The following PDE4D variants were observed in gnomAD, a reference collection of about 807,000 sequenced individuals.
PDE4D encodes the protein 3',5'-cyclic-AMP phosphodiesterase 4D.
PDE4D carries 24 observed loss-of-function variants against 87.4 expected under a neutral mutation model. That is an observed-to-expected ratio of 0.27 (90% CI 0.20 to 0.39). PDE4D has a LOEUF of 0.39. PDE4D is among the 10% of genes least tolerant of loss of function. The pLI is 1.00. For synonymous variants in PDE4D, 384 were observed against 383.2 expected, an observed-to-expected ratio of 1.00 and a Z score of -0.02; for missense variants, 714 against 1,041.0, an observed-to-expected ratio of 0.69 and a Z score of 4.32.
intron 1 of PDE4D, among the ~76,000 whole-genome samples, chr5:59,347,058 C>A (rs1009297769): frequency 6.6e-6 from 1 of 152,146 alleles, no homozygotes; most frequent in African/African-American, 2.4e-5. Flanking sequence ...AGAGAATGTA[C>A]TAACGTCATC....
intron 1 of PDE4D, among the ~76,000 whole-genome samples, chr5:60,465,372 A>G (rs1747270822): frequency 1.3e-5 from 2 of 152,114 alleles, no homozygotes. Flanking sequence ...CTTCCTTAAA[A>G]CATAAGACAT....
intron 1 of PDE4D, among the ~76,000 whole-genome samples, chr5:59,718,120 C>G (rs1755288206): frequency 6.6e-6 from 1 of 152,078 alleles, no homozygotes; most frequent in Non-Finnish European, 1.5e-5. Context: ...TACACTATTC[C>G]CAGTGATATT....
chr5:59,033,287 C>A (rs1757915848), intron 6 of PDE4D, among the ~76,000 whole-genome samples: 1 of 152,170 alleles, frequency 6.6e-6, no homozygotes, highest in Admixed American at 6.5e-5. Context: ...AAAAAGTCTT[C>A]TTCAAATGCC....
intron 3 of PDE4D, among the ~76,000 whole-genome samples, chr5:59,191,558 A>G (rs1744313314): frequency 6.6e-6 from 1 of 151,878 alleles, no homozygotes. Context: ...ATATAGAATT[A>G]TAAGTTTTCT....
chr5:59,687,398 A>G (rs1334761198), intron 1 of PDE4D, among the ~76,000 whole-genome samples: 2 of 152,140 alleles, frequency 1.3e-5, no homozygotes, highest in African/African-American at 2.4e-5. Flanking sequence ...AACTCTACAA[A>G]CCAGAAGAGA....
chr5:59,627,401 C>G (rs1246125943), intron 1 of PDE4D, among the ~76,000 whole-genome samples: 2 of 152,104 alleles, frequency 1.3e-5, no homozygotes, highest in Non-Finnish European at 2.9e-5. Flanking sequence ...TCTTACTATT[C>G]TTTTTCCAAA....
At chr5:59,285,180 T>C (rs112802561) in intron 1 of PDE4D, among the ~76,000 whole-genome samples, 15,424 of 130,270 alleles carry the variant, frequency 0.12, 890 homozygotes, top group Middle Eastern at 0.14. Flanking sequence ...ACCTGCACAA[T>C]GTGCACATGT....
chr5:60,346,723 T>C (rs916428320), intron 1 of PDE4D, among the ~76,000 whole-genome samples: 2 of 152,166 alleles, frequency 1.3e-5, no homozygotes, highest in Non-Finnish European at 2.9e-5. Flanking sequence ...ATCTATAAAA[T>C]AGAGTCTGGA....
intron 5 of PDE4D, among the ~76,000 whole-genome samples, chr5:59,150,664 A>C (rs112476410): frequency 0.022 from 3,359 of 152,256 alleles, 134 homozygotes; most frequent in African/African-American, 0.077. Context: ...CCTGGTCTGA[A>C]TATCTAATCC....
intron 1 of PDE4D, among the ~76,000 whole-genome samples, chr5:60,327,798 T>C (rs1756935760): frequency 6.6e-6 from 1 of 152,146 alleles, no homozygotes; most frequent in African/African-American, 2.4e-5. Flanking sequence ...GAAACAGTAG[T>C]TTTACTGTTA....
At chr5:60,284,947 T>C (rs1017688987) in intron 1 of PDE4D, among the ~76,000 whole-genome samples, 1 of 152,174 alleles carries the variant, frequency 6.6e-6, no homozygotes, top group Non-Finnish European at 1.5e-5. Flanking sequence ...GTTAGATTTC[T>C]ACAATGTCTT....
chr5:59,861,014 C>A (rs918034203), intron 1 of PDE4D, among the ~76,000 whole-genome samples: 1 of 150,486 alleles, frequency 6.6e-6, no homozygotes, highest in Admixed American at 6.6e-5. Flanking sequence ...ACCCGAACAC[C>A]ACACCTAGAT....
intron 1 of PDE4D, among the ~76,000 whole-genome samples, chr5:59,256,741 A>G (rs910764403): frequency 1.9e-4 from 29 of 152,028 alleles, no homozygotes; most frequent in Non-Finnish European, 5.9e-5. Flanking sequence ...CTGCATTGGC[A>G]TCTTTACTTA....
intron 1 of PDE4D, among the ~76,000 whole-genome samples, chr5:59,541,417 T>C (rs1035385997): frequency 1.4e-4 from 21 of 152,356 alleles, no homozygotes; most frequent in African/African-American, 4.3e-4. Context: ...TCTACAAATA[T>C]ACCCATCATC....
chr5:59,769,558 A>T (rs1004330471), intron 1 of PDE4D, among the ~76,000 whole-genome samples: 11 of 152,252 alleles, frequency 7.2e-5, no homozygotes, highest in African/African-American at 2.4e-4. Flanking sequence ...AAACTTATTC[A>T]GAGAGCTTAA....
At chr5:59,797,171 T>C (rs1166658268) in intron 1 of PDE4D, 2 of 149,206 alleles carry the variant, frequency 1.3e-5, no homozygotes, top group African/African-American at 4.9e-5. Flanking sequence ...AGTCAGAAGT[T>C]GTGAAGCTGC....
At chr5:59,759,337 G>T (rs1187544248) in intron 1 of PDE4D, among the ~76,000 whole-genome samples, 2 of 152,110 alleles carry the variant, frequency 1.3e-5, no homozygotes, top group Admixed American at 1.3e-4. Context: ...TTGCAAGAAA[G>T]ACCATGTCTT....
chr5:59,642,496 T>C (rs1264619415), intron 1 of PDE4D, among the ~76,000 whole-genome samples: 1 of 152,126 alleles, frequency 6.6e-6, no homozygotes, highest in Non-Finnish European at 1.5e-5. Flanking sequence ...GGGGGAAGTT[T>C]CCCCTATACT....
At chr5:60,112,881 G>A (rs540955402) in intron 2 of PDE4D, among the ~76,000 whole-genome samples, 7 of 151,966 alleles carry the variant, frequency 4.6e-5, no homozygotes, top group Non-Finnish European at 8.8e-5. Context: ...ATTCTGTAAC[G>A]CCATCCAAAA....
Sources: gnomAD v4.1 joint callset for allele counts (sites outside exome capture counted in the v4.1 genomes callset) on GRCh38, gnomAD v4.1.1 for gene constraint, MANE v1.5 for transcripts, NCBI Gene and HGNC (gene_info 2026-07-23, HGNC 2026-07-21) for gene names.